MAX: variants seen among roughly 807,000 people sequenced by gnomAD.
MAX encodes the protein MYC associated transcriptional regulator X, also known as protein max.
In MAX, 3 loss-of-function variants were observed where a neutral mutation model predicts 22.3. The ratio of observed to expected loss-of-function variants is 0.13; its 90% CI spans 0.06 to 0.35. The LOEUF (loss-of-function observed/expected upper bound fraction) is 0.35, where lower values mean the gene tolerates loss of function less well. Ranked by LOEUF, MAX falls within the 10% of genes least tolerant of loss-of-function variation. The probability of loss-of-function intolerance (pLI) is 1.00; values close to 1 mark genes in which losing one functional copy is unlikely to be tolerated. For missense variants in MAX, 119 were observed against 209.4 expected (o/e 0.57, Z 2.66); for synonymous variants, 72 against 77.7 (o/e 0.93, Z 0.39).
intron 3 of MAX, among the ~76,000 whole-genome samples, chr14:65,056,189 T>A (rs1168931416): frequency 6.6e-6 from 1 of 152,242 alleles, no homozygotes; most frequent in Non-Finnish European, 1.5e-5. Context: ...CATTGCTTTT[T>A]CCACTTGCCA....
At chr14:65,033,812 A>AC (rs2062134632) in intron 3 of MAX, among the ~76,000 whole-genome samples, 1 of 152,152 alleles carries the variant, frequency 6.6e-6, no homozygotes, top group Non-Finnish European at 1.5e-5. Flanking sequence ...AGCCGAGATC[A>AC]CGCCACTGCA....
chr14:65,102,492 A>G lies in MAX; in HGVS notation c.-153T>C. The G allele has an allele frequency of 1.3e-6, 2 of 1,488,876 alleles. No homozygotes were observed. The highest frequency in any genetic ancestry group is 1.8e-6 in the Non-Finnish European group (2 of 1,119,638). The allele number at this position is 1,488,876 out of a possible 1,614,324, so 92.2% of individuals were successfully genotyped here. A position where few individuals can be genotyped will look rare whatever the true frequency, so the allele number is the denominator to read the frequency against. On this transcript the variant is annotated 5_prime_UTR_variant, in exon 1 of 5. Transcript: ENST00000358664. ...GCTCTCTCACTCACACACACACACA[A>G]CACGGGCAAGAACCACCTCCTCACT...
At chr14:65,033,695 A>T (rs2062131705) in intron 3 of MAX, among the ~76,000 whole-genome samples, 1 of 152,166 alleles carries the variant, frequency 6.6e-6, no homozygotes, top group Non-Finnish European at 1.5e-5. Context: ...GTCTCTACTA[A>T]AAATACAAAA....
chr14:65,059,977 ACACT>A (rs2062824677), intron 3 of MAX, among the ~76,000 whole-genome samples: 1 of 151,134 alleles, frequency 6.6e-6, no homozygotes, highest in Non-Finnish European at 1.5e-5. Flanking sequence ...GGGATTACAG[ACACT>A]CACCATCATG....
At chr14:65,073,571 C>A (rs2139724335), downstream of MAX, among the ~76,000 whole-genome samples, 1 of 152,272 alleles carries the variant, frequency 6.6e-6, no homozygotes, top group Non-Finnish European at 1.5e-5. Context: ...AAATCTACAG[C>A]TTATCTGGTT....
intron 3 of MAX, among the ~76,000 whole-genome samples, chr14:65,091,651 T>A (rs1426873202): frequency 1.3e-5 from 2 of 152,246 alleles, no homozygotes; most frequent in African/African-American, 4.8e-5. Flanking sequence ...GGAATGCTCA[T>A]TACCAGACAG....
chr14:65,092,136 T>C (rs1465193616), intron 3 of MAX, among the ~76,000 whole-genome samples: 1 of 152,204 alleles, frequency 6.6e-6, no homozygotes, highest in Non-Finnish European at 1.5e-5. Context: ...AAAGGTATAG[T>C]TGTGATCCTA....
In MAX at chr14:65,076,320, A is replaced by G; in HGVS notation, c.*156T>C. ...GGAAGGAGAACGAGAGCTGTTGTCC[A>G]AGAGCTTCTACGTAAAAATAAAAAT... On this transcript the variant is annotated 3_prime_UTR_variant, in exon 5 of 5. Transcript: ENST00000358664. This position sits in a 1 kb window ranked among gnomAD's most constrained non-coding sequence, Gnocchi z 6.6. 6.7e-7 allele frequency: 1 copy of G among 1,494,308 alleles called. No individual in the cohort carries two copies. Among genetic ancestry groups the G allele is most frequent in the Non-Finnish European group, 8.9e-7 (1 of 1,127,524 alleles). The allele number at this position is 1,494,308 out of a possible 1,614,324, so 92.6% of individuals were successfully genotyped here.
intron 3 of MAX, among the ~76,000 whole-genome samples, chr14:65,087,027 G>A (rs1199405974): frequency 6.6e-6 from 1 of 152,240 alleles, no homozygotes; most frequent in Admixed American, 6.5e-5. Flanking sequence ...GCAGAGCTCA[G>A]GTTGCGGCTT....
chr14:65,054,854 G>A lies in MAX; in HGVS notation c.171+38854C>T, dbSNP rs2062695753. 6.6e-6 allele frequency among the ~76,000 whole-genome samples: 1 copy of A among 152,228 alleles called. No homozygotes were observed. The highest frequency in any genetic ancestry group is 2.1e-4 in the South Asian group (1 of 4,834). ...AGCCGTTAGTGAGGATGTGACCACAGAGGAGACGCACCTCTGGGCAAGCTC... is the reference window on the plus strand; with the variant it reads ...AGCCGTTAGTGAGGATGTGACCACAAAGGAGACGCACCTCTGGGCAAGCTC... On this transcript the variant is annotated intron_variant, in intron 3 of 3. Coordinates refer to the MAX transcript ENST00000341653. The surrounding 1 kb of genome is among the most constrained non-coding windows in gnomAD (Gnocchi z 4.4).
rs2063284973 is a variant in MAX, at chr14:65,084,802, A to G, written c.172-6766T>C. ...CCCTGTGGGGAGCATGTAGATGAAG[A>G]GACCAGGAAGGAATACACAAATTGA... is the stretch of plus-strand genomic sequence containing the variant. On this transcript the variant is annotated intron_variant, in intron 3 of 4. Transcript: ENST00000358664. The surrounding 1 kb of genome is among the most constrained non-coding windows in gnomAD (Gnocchi z 4.3). Among the ~76,000 whole-genome samples, 1 of 152,252 alleles carries G rather than the reference A, an allele frequency of 6.6e-6. No individual in the cohort carries two copies. Among genetic ancestry groups the G allele is most frequent in the Admixed American group, 6.5e-5 (1 of 15,290 alleles).
At position 65,007,611 on chromosome 14, in the gene MAX, A is replaced by C. The variant is rs969658044; in HGVS notation, c.172-1327T>G. Among the ~76,000 whole-genome samples, 2 of 152,154 alleles carry C rather than the reference A, an allele frequency of 1.3e-5. No homozygotes were observed. Among genetic ancestry groups the C allele is most frequent in the Non-Finnish European group, 2.9e-5 (2 of 68,020 alleles). On this transcript the variant is annotated intron_variant, in intron 3 of 3. Coordinates refer to the MAX transcript ENST00000341653. This position sits in a 1 kb window ranked among gnomAD's most constrained non-coding sequence, Gnocchi z 4.9. ...TTCTTCTCTAAGGTTGGGACTGTCT[A>C]CCTGGAGTGAGGTAGTCAGTCCCAA... is the stretch of plus-strand genomic sequence containing the variant.
chr14:65,054,699 G>C lies in MAX; in HGVS notation c.171+39009C>G. 7 of 1,599,498 alleles carry C rather than the reference G, an allele frequency of 4.4e-6. No individual in the cohort carries two copies. The highest frequency in any genetic ancestry group is 6.0e-6 in the Non-Finnish European group (7 of 1,172,942). ...GCCCGAAAACGCTCTGGTAAGACGGGTGCAGGGCTTCACACCCCTTCTCCA... is the reference window on the plus strand; with the variant it reads ...GCCCGAAAACGCTCTGGTAAGACGGCTGCAGGGCTTCACACCCCTTCTCCA... On this transcript the variant is annotated intron_variant, in intron 3 of 3. Transcript: ENST00000341653. This position sits in a 1 kb window ranked among gnomAD's most constrained non-coding sequence, Gnocchi z 4.4.
At chr14:65,096,048 T>C (rs190893969) in intron 2 of MAX, among the ~76,000 whole-genome samples, 2 of 152,276 alleles carry the variant, frequency 1.3e-5, no homozygotes, top group African/African-American at 2.4e-5. Context: ...AACTTGGCTG[T>C]AGATCATGAG....
chr14:65,086,590 G>C (rs1456072386), intron 3 of MAX, among the ~76,000 whole-genome samples: 1 of 152,172 alleles, frequency 6.6e-6, no homozygotes, highest in Non-Finnish European at 1.5e-5. Flanking sequence ...GTGGAACTTT[G>C]AACTTCACAG....
Position 65,023,732 on chromosome 14 carries a change from C to G in MAX, c.172-17448G>C, listed in dbSNP as rs1566549275. 6.6e-6 allele frequency among the ~76,000 whole-genome samples: 1 copy of G among 152,112 alleles called. No individual in the cohort carries two copies. Among genetic ancestry groups the G allele is most frequent in the Non-Finnish European group, 1.5e-5 (1 of 68,030 alleles). ...GCTAGTGGCTGCCTATTGGACAGCACAGATGTATCTCATTGCTACTCAAAA... is the reference window on the plus strand; with the variant it reads ...GCTAGTGGCTGCCTATTGGACAGCAGAGATGTATCTCATTGCTACTCAAAA... On this transcript the variant is annotated intron_variant, in intron 3 of 3. Transcript: ENST00000341653. This position sits in a 1 kb window ranked among gnomAD's most constrained non-coding sequence, Gnocchi z 4.1.
chr14:65,047,978 A>ATTT lies in MAX; in HGVS notation c.172-41697_172-41695dup, dbSNP rs34879850. Among the ~76,000 whole-genome samples the ATTT allele has an allele frequency of 1.2e-4, 8 of 64,146 alleles. No homozygotes were observed. Among genetic ancestry groups the ATTT allele is most frequent in the South Asian group, 6.3e-4 (1 of 1,588 alleles). 42.1% of individuals were successfully genotyped at this position (64,146 alleles called of 152,430 possible). On this transcript the variant is annotated intron_variant, in intron 3 of 3. Coordinates refer to the MAX transcript ENST00000341653. This position sits in a 1 kb window ranked among gnomAD's most constrained non-coding sequence, Gnocchi z 5.2. The stretch of plus-strand genomic sequence containing the variant: ...AGACAGAAGGAGGGAGACTTTTTAG[A>ATTT]TTTTTTTTTTTTTTTTTTTTTTTTT...
At chr14:65,026,609 C>G (rs1419548086) in intron 3 of MAX, among the ~76,000 whole-genome samples, 2 of 152,174 alleles carry the variant, frequency 1.3e-5, no homozygotes, top group African/African-American at 4.8e-5. Context: ...CCTGTAATCC[C>G]AGCACTTGCA....
At chr14:65,015,518 C>T in intron 3 of MAX, 4 of 1,070,640 alleles carry the variant, frequency 3.7e-6, no homozygotes, top group Non-Finnish European at 5.4e-6. Flanking sequence ...CAAGGGTGCC[C>T]TCCTCCCCCT....
Sources: gnomAD v4.1 joint callset for allele counts (sites outside exome capture counted in the v4.1 genomes callset) on GRCh38, gnomAD v4.1.1 for gene constraint, Gnocchi (gnomAD v3.1) non-coding constraint, MANE v1.5 for transcripts, NCBI Gene and HGNC (gene_info 2026-07-23, HGNC 2026-07-21) for gene names.